The following SGCZ variants were observed in gnomAD, a reference collection of about 807,000 sequenced individuals.
The protein encoded by SGCZ is zeta-sarcoglycan.
SGCZ carries 40 observed loss-of-function variants against 41.3 expected under a neutral mutation model. The observed-to-expected ratio is 0.97, with a 90% CI of 0.75 to 1.26. SGCZ has a LOEUF of 1.26. Ranked by LOEUF, SGCZ falls within the 50% of genes most tolerant of loss-of-function variation. SGCZ has a pLI of 0.00. For synonymous variants in SGCZ, 206 were observed against 137.5 expected (o/e 1.50, Z -3.49); for missense variants, 552 against 369.8 (o/e 1.49, Z -4.04).
chr8:15,069,220 G>C lies in SGCZ; in HGVS notation c.39+168365C>G, dbSNP rs146816732. ...CTTGTTTGTTTTGTTTTTTGGTAGAGACAGGGTCTTGTTATGATGCCCAGG... is the reference window on the plus strand; with the variant it reads ...CTTGTTTGTTTTGTTTTTTGGTAGACACAGGGTCTTGTTATGATGCCCAGG... On this transcript the variant is annotated intron_variant, in intron 1 of 7. Coordinates refer to ENST00000382080, the MANE Select transcript of SGCZ (RefSeq NM_139167.4). 4.6e-5 allele frequency among the ~76,000 whole-genome samples: 7 copies of C among 152,138 alleles called. No individual in the cohort carries two copies. In the East Asian group the frequency reaches 1.2e-3, roughly 25 times the overall value.
chr8:14,267,770 T>C (rs566393037), intron 3 of SGCZ, among the ~76,000 whole-genome samples: 2 of 152,170 alleles, frequency 1.3e-5, no homozygotes, highest in South Asian at 4.1e-4. Flanking sequence ...TCTAAAATGC[T>C]TTCATTTTAA....
At chr8:14,394,965 C>CA (rs997440218) in intron 2 of SGCZ, among the ~76,000 whole-genome samples, 2 of 152,112 alleles carry the variant, frequency 1.3e-5, no homozygotes, top group Non-Finnish European at 1.5e-5. Flanking sequence ...TAGATGGTGA[C>CA]ATGGACACGT....
chr8:14,327,327 G>T (rs943206102), intron 2 of SGCZ, among the ~76,000 whole-genome samples: 1 of 152,142 alleles, frequency 6.6e-6, no homozygotes, highest in African/African-American at 2.4e-5. Flanking sequence ...GTATTAATTA[G>T]AACCTATAAC....
chr8:14,902,664 A>C (rs1799004846), intron 1 of SGCZ, among the ~76,000 whole-genome samples: 1 of 152,162 alleles, frequency 6.6e-6, no homozygotes, highest in Non-Finnish European at 1.5e-5. Flanking sequence ...AAATTAGCCT[A>C]GTCCTGACAT....
intron 1 of SGCZ, among the ~76,000 whole-genome samples, chr8:14,764,120 C>G (rs1357554006): frequency 6.6e-6 from 1 of 152,072 alleles, no homozygotes; most frequent in Non-Finnish European, 1.5e-5. Context: ...GGGAACATAT[C>G]AAAAAGGACA....
intron 1 of SGCZ, among the ~76,000 whole-genome samples, chr8:15,169,639 T>A: frequency 6.6e-6 from 1 of 152,196 alleles, no homozygotes; most frequent in East Asian, 1.9e-4. Flanking sequence ...TTTCTTAGAA[T>A]CCTGGAGACT....
chr8:14,655,219 CTTCTTAGT>C (rs1434986163), intron 1 of SGCZ, among the ~76,000 whole-genome samples: 2 of 152,008 alleles, frequency 1.3e-5, no homozygotes, highest in East Asian at 3.9e-4. Flanking sequence ...TTGCCAGTAA[CTTCTTAGT>C]TTTTCCACTG....
intron 3 of SGCZ, among the ~76,000 whole-genome samples, chr8:14,295,286 G>T (rs1479332948): frequency 1.3e-5 from 2 of 152,158 alleles, no homozygotes; most frequent in East Asian, 1.9e-4. Context: ...ATGAATGCAA[G>T]ATGGATGAAT....
chr8:14,752,449 CT>C (rs1799528217), intron 1 of SGCZ, among the ~76,000 whole-genome samples: 1 of 152,136 alleles, frequency 6.6e-6, no homozygotes, highest in Non-Finnish European at 1.5e-5. Context: ...GTTAAATTTA[CT>C]GCATTTCATT....
intron 3 of SGCZ, among the ~76,000 whole-genome samples, chr8:14,273,330 T>C (rs1033811095): frequency 2.0e-5 from 3 of 152,158 alleles, no homozygotes; most frequent in African/African-American, 7.2e-5. Flanking sequence ...TTTCCTTCCT[T>C]TATCATCCAG....
chr8:14,710,315 A>G (rs1809474140), intron 1 of SGCZ, among the ~76,000 whole-genome samples: 1 of 144,652 alleles, frequency 6.9e-6, no homozygotes, highest in African/African-American at 2.5e-5. Flanking sequence ...GCTTGCAGTG[A>G]GCGGAGATCG....
intron 2 of SGCZ, among the ~76,000 whole-genome samples, chr8:14,361,948 C>G (rs181956128): frequency 6.6e-6 from 1 of 152,174 alleles, no homozygotes; most frequent in African/African-American, 2.4e-5. Context: ...CCCTCAGCTG[C>G]AGGTCTGCTG....
intron 1 of SGCZ, among the ~76,000 whole-genome samples, chr8:15,075,049 G>A (rs1403576841): frequency 6.6e-6 from 1 of 152,206 alleles, no homozygotes; most frequent in African/African-American, 2.4e-5. Flanking sequence ...CCCTAAGCAA[G>A]ACTGTGTTGA....
intron 2 of SGCZ, among the ~76,000 whole-genome samples, chr8:14,361,112 G>A (rs1803496654): frequency 6.6e-6 from 1 of 151,976 alleles, no homozygotes; most frequent in Admixed American, 6.6e-5. Context: ...TTCATGTCTT[G>A]GACTCGCTAA....
At chr8:14,729,790 T>C (rs1480985785) in intron 1 of SGCZ, among the ~76,000 whole-genome samples, 3 of 152,208 alleles carry the variant, frequency 2.0e-5, no homozygotes, top group Non-Finnish European at 4.4e-5. Flanking sequence ...GGTTAAAATA[T>C]AGTGCCTTTT....
intron 5 of SGCZ, among the ~76,000 whole-genome samples, chr8:14,164,283 C>T (rs113961418): frequency 3.3e-5 from 5 of 151,632 alleles, no homozygotes; most frequent in African/African-American, 1.2e-4. Flanking sequence ...TTTGTTAGTC[C>T]CCTTTACTCA....
chr8:14,827,052 G>A (rs1287542809), intron 1 of SGCZ, among the ~76,000 whole-genome samples: 1 of 151,600 alleles, frequency 6.6e-6, no homozygotes, highest in East Asian at 1.9e-4. Context: ...TTCTTCTAGG[G>A]TTTTTATGGT....
At chr8:15,235,700 T>C (rs541027927) in intron 1 of SGCZ, among the ~76,000 whole-genome samples, 1 of 152,208 alleles carries the variant, frequency 6.6e-6, no homozygotes, top group South Asian at 2.1e-4. Flanking sequence ...GGGTTCAGAG[T>C]GGGATAAGCT....
At chr8:14,838,534 T>C (rs1383718559) in intron 1 of SGCZ, among the ~76,000 whole-genome samples, 1 of 152,152 alleles carries the variant, frequency 6.6e-6, no homozygotes, top group Admixed American at 6.5e-5. Context: ...CCCAATAGTG[T>C]AGAACCTGTT....
Sources: allele counts gnomAD v4.1 joint callset (sites outside exome capture counted in the v4.1 genomes callset), GRCh38; gene constraint gnomAD v4.1.1; transcripts MANE v1.5; gene names NCBI Gene and HGNC (gene_info 2026-07-23, HGNC 2026-07-21).